ADARB2: variants seen among roughly 807,000 people sequenced by gnomAD.
ADARB2 encodes adenosine deaminase RNA specific B2 (inactive).
In ADARB2, 25 loss-of-function variants were observed where a neutral mutation model predicts 62.2. The ratio of observed to expected loss-of-function variants is 0.40; its 90% CI spans 0.29 to 0.56. ADARB2 has a LOEUF of 0.56. ADARB2 is among the 20% of genes least tolerant of loss of function. ADARB2 has a pLI of 0.43. For synonymous variants in ADARB2, 572 were observed against 500.8 expected (o/e 1.14, Z -1.90); for missense variants, 1,071 against 1,077.4 (o/e 0.99, Z 0.08).
At chr10:1,402,232 C>T (rs945441164) in intron 1 of ADARB2, among the ~76,000 whole-genome samples, 1 of 152,186 alleles carries the variant, frequency 6.6e-6, no homozygotes, top group Non-Finnish European at 1.5e-5. Context: ...TCTCATTCTG[C>T]TCTGGTCCAA....
In ADARB2 at chr10:1,203,550, C is replaced by G. The variant is rs545021218; in HGVS notation, c.1683-3403G>C. Among the ~76,000 whole-genome samples the G allele has an allele frequency of 2.8e-4, 43 of 152,320 alleles. 1 individual carries two copies. The South Asian group carries it at 6.4e-3, about 23-fold the overall frequency. On this transcript the variant is annotated intron_variant, in intron 7 of 9. Transcript: ENST00000381312. ...GGCGTCTGCAGCTCTGCAGGGCTGG[C>G]TGTCAGGCCTGCTGCTGGGATCATC...
intron 7 of ADARB2, among the ~76,000 whole-genome samples, chr10:1,209,287 CATCACCCAT>C (rs1837110596): frequency 7.0e-6 from 1 of 142,216 alleles, no homozygotes; most frequent in Non-Finnish European, 1.5e-5. Flanking sequence ...ACGCCTACAC[CATCACCCAT>C]GCCCACACCT....
intron 3 of ADARB2, among the ~76,000 whole-genome samples, chr10:1,274,466 T>C (rs1202107824): frequency 6.6e-6 from 1 of 152,226 alleles, no homozygotes; most frequent in African/African-American, 2.4e-5. Context: ...CTCTTTGTTT[T>C]TTTTTTAGGA....
At chr10:1,257,829 G>A (rs1831093822) in intron 4 of ADARB2, among the ~76,000 whole-genome samples, 1 of 152,206 alleles carries the variant, frequency 6.6e-6, no homozygotes, top group South Asian at 2.1e-4. Context: ...ACCTAATGCA[G>A]ATGGACACAT....
At chr10:1,211,388 ATCTG>A (rs1451544739) in intron 7 of ADARB2, among the ~76,000 whole-genome samples, 1 of 151,334 alleles carries the variant, frequency 6.6e-6, no homozygotes, top group African/African-American at 2.4e-5. Context: ...CTATCCATCT[ATCTG>A]TCTGTCATCT....
chr10:1,187,590 G>A (rs1000260241), intron 8 of ADARB2, among the ~76,000 whole-genome samples: 1 of 152,250 alleles, frequency 6.6e-6, no homozygotes, highest in Admixed American at 6.5e-5. Flanking sequence ...TTCTCTTTGC[G>A]GAGGACGTTG....
chr10:1,686,255 C>T (rs1288099698), intron 1 of ADARB2, among the ~76,000 whole-genome samples: 1 of 152,152 alleles, frequency 6.6e-6, no homozygotes, highest in African/African-American at 2.4e-5. Context: ...GCCAAGGCCT[C>T]GGCGGGGGTT....
intron 1 of ADARB2, among the ~76,000 whole-genome samples, chr10:1,632,572 C>A (rs775850458): frequency 1.3e-4 from 20 of 152,240 alleles, no homozygotes; most frequent in Non-Finnish European, 2.6e-4. Flanking sequence ...GCCCTCACCC[C>A]AGAGACAGTG....
chr10:1,217,415 G>C (rs1176246479), intron 6 of ADARB2, among the ~76,000 whole-genome samples: 1 of 152,220 alleles, frequency 6.6e-6, no homozygotes, highest in Non-Finnish European at 1.5e-5. Flanking sequence ...GTGCAGCCAC[G>C]GCCTGGACCG....
intron 1 of ADARB2, among the ~76,000 whole-genome samples, chr10:1,703,944 C>T (rs1421670480): frequency 5.3e-5 from 8 of 152,198 alleles, no homozygotes; most frequent in African/African-American, 1.7e-4. Flanking sequence ...TGGTGTTCAG[C>T]CAGGGGGAAG....
chr10:1,580,593 A>G (rs1316848959), intron 1 of ADARB2, among the ~76,000 whole-genome samples: 1 of 150,918 alleles, frequency 6.6e-6, no homozygotes, highest in East Asian at 1.9e-4. Flanking sequence ...CCTCCTCCCC[A>G]CAAATGCACA....
intron 1 of ADARB2, among the ~76,000 whole-genome samples, chr10:1,567,188 C>G (rs564923951): frequency 1.3e-5 from 2 of 152,054 alleles, no homozygotes; most frequent in Non-Finnish European, 2.9e-5. Context: ...CTCCCCCCAC[C>G]GAGAAGCAGA....
chr10:1,666,361 C>T (rs1022119651), intron 1 of ADARB2, among the ~76,000 whole-genome samples: 2 of 152,218 alleles, frequency 1.3e-5, no homozygotes, highest in African/African-American at 4.8e-5. Flanking sequence ...ATCTGCGAGT[C>T]GGAGCCTCCG....
intron 1 of ADARB2, among the ~76,000 whole-genome samples, chr10:1,683,154 G>A (rs1385499236): frequency 1.3e-5 from 2 of 152,192 alleles, no homozygotes; most frequent in African/African-American, 2.4e-5. Flanking sequence ...ATTTGTGTGA[G>A]TTCACATAGG....
chr10:1,348,394 T>TGCCACTCCTGGGCTGTCAG (rs1832101513), intron 3 of ADARB2, among the ~76,000 whole-genome samples: 1 of 152,154 alleles, frequency 6.6e-6, no homozygotes, highest in Non-Finnish European at 1.5e-5. Context: ...TTGCTGCTGC[T>TGCCACTCCTGGGCTGTCAG]GCCACTCCTG....
Position 1,363,082 on chromosome 10 carries a change from G to A in ADARB2, c.1023C>T (p.Asp341=), listed in dbSNP as rs768631166. Residue 341 remains aspartate (D), a synonymous_variant, in exon 3 of 10, where the codon GAC becomes GAT. Coordinates refer to ENST00000381312, the MANE Select transcript of ADARB2 (RefSeq NM_018702.4). ...AAQAALQELF[D]IQMPGHAPGR... ...CGGGCGCGTGGCCGGGCATCTGGATGTCGAACAGCTCCTGCAGTGCGGCCT... is the reference window on the plus strand; with the variant it reads ...CGGGCGCGTGGCCGGGCATCTGGATATCGAACAGCTCCTGCAGTGCGGCCT... 2 of 1,477,790 alleles carry A rather than the reference G, an allele frequency of 1.4e-6. No homozygotes were observed. The highest frequency in any genetic ancestry group is 2.7e-5 in the East Asian group (1 of 36,920). The allele number at this position is 1,477,790 out of a possible 1,614,324, so 91.5% of individuals were successfully genotyped here.
intron 1 of ADARB2, among the ~76,000 whole-genome samples, chr10:1,479,270 G>A (rs1180099975): frequency 1.3e-5 from 2 of 152,326 alleles, no homozygotes; most frequent in African/African-American, 4.8e-5. Context: ...ACCCAGGCAA[G>A]GCAGCAGCCA....
At chr10:1,697,674 C>A (rs1280680377) in intron 1 of ADARB2, among the ~76,000 whole-genome samples, 1 of 152,176 alleles carries the variant, frequency 6.6e-6, no homozygotes, top group Non-Finnish European at 1.5e-5. Context: ...ACCCCACAGG[C>A]TCCCTCTGCA....
At chr10:1,393,541 CT>C (rs1832587536) in intron 1 of ADARB2, among the ~76,000 whole-genome samples, 1 of 152,196 alleles carries the variant, frequency 6.6e-6, no homozygotes, top group South Asian at 2.1e-4. Flanking sequence ...GCATTTTGTT[CT>C]CTTACCAGGT....
Sources: allele counts gnomAD v4.1 joint callset (sites outside exome capture counted in the v4.1 genomes callset), GRCh38; gene constraint gnomAD v4.1.1; transcripts MANE v1.5; gene names NCBI Gene and HGNC (gene_info 2026-07-23, HGNC 2026-07-21).